The following EYA1 variants were observed in gnomAD, a reference collection of about 807,000 sequenced individuals.
EYA1 encodes protein phosphatase EYA1.
EYA1 carries 16 observed loss-of-function variants against 82.0 expected under a neutral mutation model. That is an observed-to-expected ratio of 0.20 (90% CI 0.13 to 0.30). EYA1 has a LOEUF of 0.30. Ranked by LOEUF, EYA1 falls within the 10% of genes least tolerant of loss-of-function variation. The pLI is 1.00. For synonymous variants in EYA1, 261 were observed against 264.4 expected (o/e 0.99, Z 0.12); for missense variants, 633 against 730.7 (o/e 0.87, Z 1.54).
intron 3 of EYA1, among the ~76,000 whole-genome samples, chr8:71,346,446 A>ATATATATC (rs1554561605): frequency 1.5e-5 from 2 of 135,780 alleles, no homozygotes; most frequent in African/African-American, 6.1e-5. Context: ...ATATATATAT[A>ATATATATC]TATATATATC....
At chr8:71,494,022 CAAAAAAAAA>C (rs34340467) in intron 2 of EYA1, among the ~76,000 whole-genome samples, 6 of 41,858 alleles carry the variant, frequency 1.4e-4, no homozygotes, top group East Asian at 8.8e-4. Context: ...GACTCCGTCT[CAAAAAAAAA>C]AAAAAAAAAA....
At chr8:71,384,019 C>CT (rs150499024) in intron 2 of EYA1, among the ~76,000 whole-genome samples, 4,458 of 148,714 alleles carry the variant, frequency 0.03, 201 homozygotes, top group African/African-American at 0.1. Context: ...ACTATCTTTA[C>CT]TTTTTTTTTT....
intron 2 of EYA1, among the ~76,000 whole-genome samples, chr8:71,392,231 G>GA (rs1435666887): frequency 2.0e-5 from 3 of 151,978 alleles, no homozygotes; most frequent in Non-Finnish European, 4.4e-5. Context: ...GACGGAAAAA[G>GA]AAAAAAGGAA....
At chr8:71,402,107 T>C (rs1829989193) in intron 2 of EYA1, among the ~76,000 whole-genome samples, 1 of 152,176 alleles carries the variant, frequency 6.6e-6, no homozygotes, top group Admixed American at 6.5e-5. Flanking sequence ...GTCTAGGTCC[T>C]CTCCAAGGCT....
intron 2 of EYA1, among the ~76,000 whole-genome samples, chr8:71,410,055 A>G (rs1056475040): frequency 3.8e-4 from 58 of 152,180 alleles, no homozygotes; most frequent in Admixed American, 7.9e-4. Context: ...CCCTGGGTTC[A>G]ATATAAGGCT....
At chr8:71,522,078 T>C (rs1202930881) in intron 2 of EYA1, among the ~76,000 whole-genome samples, 1 of 152,204 alleles carries the variant, frequency 6.6e-6, no homozygotes, top group Non-Finnish European at 1.5e-5. Context: ...AGCATGGAAA[T>C]TTCAAAAGTA....
chr8:71,447,243 C>G (rs1007608374), intron 2 of EYA1, among the ~76,000 whole-genome samples: 2 of 152,106 alleles, frequency 1.3e-5, no homozygotes, highest in Non-Finnish European at 2.9e-5. Context: ...CCAAATACAT[C>G]TTGCCTTAGA....
chr8:71,292,260 G>A (rs1164782956), intron 9 of EYA1, among the ~76,000 whole-genome samples: 1 of 152,014 alleles, frequency 6.6e-6, no homozygotes, highest in Non-Finnish European at 1.5e-5. Context: ...ATGATAAAAT[G>A]CTAGTTTAGA....
intron 1 of EYA1, among the ~76,000 whole-genome samples, chr8:71,361,104 C>T (rs932569708): frequency 3.3e-5 from 5 of 152,124 alleles, no homozygotes; most frequent in Admixed American, 6.5e-5. Context: ...TTTAATATAA[C>T]GTTTGGGAAA....
chr8:71,213,126 A>T (rs1041332662), intron 16 of EYA1, among the ~76,000 whole-genome samples: 3 of 152,064 alleles, frequency 2.0e-5, no homozygotes, highest in African/African-American at 7.2e-5. Context: ...ACCTTATTTG[A>T]TGGTGAAATC....
At chr8:71,225,929 T>C (rs1430458426) in intron 12 of EYA1, among the ~76,000 whole-genome samples, 1 of 152,234 alleles carries the variant, frequency 6.6e-6, no homozygotes, top group Non-Finnish European at 1.5e-5. Flanking sequence ...TAAGTGCTTG[T>C]ATTAGAAACA....
intron 3 of EYA1, among the ~76,000 whole-genome samples, chr8:71,338,068 A>G (rs1391420637): frequency 6.6e-6 from 1 of 151,658 alleles, no homozygotes; most frequent in Non-Finnish European, 1.5e-5. Flanking sequence ...CTTTACGACA[A>G]ATCAAAGTCT....
chr8:71,348,123 G>A (rs1258329844), intron 3 of EYA1, among the ~76,000 whole-genome samples: 1 of 152,062 alleles, frequency 6.6e-6, no homozygotes, highest in Admixed American at 6.6e-5. Flanking sequence ...TAACATGTAT[G>A]TATTTTTTTT....
chr8:71,205,725 G>A (rs1187569594), intron 17 of EYA1, among the ~76,000 whole-genome samples: 1 of 152,100 alleles, frequency 6.6e-6, no homozygotes, highest in Non-Finnish European at 1.5e-5. Flanking sequence ...AACGAAAGAG[G>A]CAACTGGCAG....
intron 9 of EYA1, among the ~76,000 whole-genome samples, chr8:71,297,045 G>A (rs929217902): frequency 9.2e-5 from 14 of 152,144 alleles, no homozygotes; most frequent in African/African-American, 3.4e-4. Flanking sequence ...TTAGTTGGAA[G>A]AGGTATGTAT....
chr8:71,271,049 G>C (rs1816467831), intron 10 of EYA1, among the ~76,000 whole-genome samples: 1 of 152,182 alleles, frequency 6.6e-6, no homozygotes, highest in Non-Finnish European at 1.5e-5. Flanking sequence ...GGCAGAGGTT[G>C]CAGTGAGCCG....
intron 12 of EYA1, among the ~76,000 whole-genome samples, chr8:71,227,695 C>T (rs1373630454): frequency 6.6e-6 from 1 of 152,058 alleles, no homozygotes; most frequent in African/African-American, 2.4e-5. Context: ...GGAGCAATTT[C>T]CCACTCCTCC....
chr8:71,385,031 A>T (rs1828900844), intron 2 of EYA1, among the ~76,000 whole-genome samples: 1 of 151,860 alleles, frequency 6.6e-6, no homozygotes, highest in Non-Finnish European at 1.5e-5. Flanking sequence ...TTTTTTTGAG[A>T]CAGCGTCTCA....
chr8:71,301,672 A>G (rs559846872), intron 7 of EYA1, among the ~76,000 whole-genome samples: 4 of 152,308 alleles, frequency 2.6e-5, no homozygotes, highest in Non-Finnish European at 4.4e-5. Flanking sequence ...AGGAATATCA[A>G]TTGTTTGAAG....
Sources: allele counts gnomAD v4.1 joint callset (sites outside exome capture counted in the v4.1 genomes callset), GRCh38; gene constraint gnomAD v4.1.1; transcripts MANE v1.5; gene names NCBI Gene and HGNC (gene_info 2026-07-23, HGNC 2026-07-21).